Variants in IYD observed in about 807,000 individuals in gnomAD.
IYD encodes iodotyrosine deiodinase.
IYD carries 25 observed loss-of-function variants against 28.4 expected under a neutral mutation model. That is an observed-to-expected ratio of 0.88 (90% CI 0.64 to 1.23). IYD has a LOEUF of 1.23. Ranked by LOEUF, IYD falls within the 50% of genes most tolerant of loss-of-function variation. The probability of loss-of-function intolerance (pLI) is 0.00; values close to 1 mark genes in which losing one functional copy is unlikely to be tolerated. For synonymous variants in IYD, 140 were observed against 130.8 expected (o/e 1.07, Z -0.48); for missense variants, 352 against 357.9 (o/e 0.98, Z 0.13).
At chr6:150,395,835 G>T in intron 4 of IYD, 1 of 599,292 alleles carries the variant, frequency 1.7e-6, no homozygotes, top group Non-Finnish European at 3.0e-6. Context: ...GTGTCTGGAA[G>T]CTACTCATTG....
chr6:150,398,768 G>T lies in IYD; in HGVS notation c.*531G>T, dbSNP rs6921360. The T allele has an allele frequency of 0.098, 15,215 of 155,288 alleles. 1,250 individuals are homozygous for T. Among genetic ancestry groups the T allele is most frequent in the East Asian group, 0.32 (1,639 of 5,200 alleles). 9.6% of individuals were successfully genotyped at this position (155,288 alleles called of 1,614,324 possible). On this transcript the variant is annotated 3_prime_UTR_variant, in exon 5 of 5. Transcript: ENST00000344419. ...CAAAGTTACTAAAACATGGCCAGGC[G>T]CAGTGGCTCATGCCTGTAATCCCAG...
chr6:150,389,745 G>A, intron 2 of IYD: 1 of 560,176 alleles, frequency 1.8e-6, no homozygotes, highest in East Asian at 3.1e-5. Flanking sequence ...CAAGCTTCTT[G>A]GAAGAAGATG....
chr6:150,380,596 G>A (rs934053488), intron 1 of IYD, among the ~76,000 whole-genome samples: 1 of 152,062 alleles, frequency 6.6e-6, no homozygotes, highest in African/African-American at 2.4e-5. Context: ...CTTTGAGGAG[G>A]CCAATTCCCT....
intron 4 of IYD, chr6:150,395,601 C>T: frequency 2.6e-6 from 4 of 1,510,176 alleles, no homozygotes; most frequent in Non-Finnish European, 3.6e-6. Context: ...TTCACTTTGC[C>T]ATTGAGTTTG....
intron 1 of IYD, among the ~76,000 whole-genome samples, chr6:150,385,890 A>G (rs1466956898): frequency 6.6e-6 from 1 of 151,946 alleles, no homozygotes; most frequent in Non-Finnish European, 1.5e-5. Flanking sequence ...TCTATTTTAT[A>G]TAAATTTTCT....
chr6:150,370,468 T>G (rs1449440571), intron 1 of IYD: 1 of 985,168 alleles, frequency 1.0e-6, no homozygotes, highest in Non-Finnish European at 1.2e-6. Context: ...TGTCCTAATC[T>G]CAGGACCGGG....
chr6:150,392,927 A>C (rs1778176850), intron 3 of IYD, among the ~76,000 whole-genome samples: 1 of 152,148 alleles, frequency 6.6e-6, no homozygotes, highest in Admixed American at 6.5e-5. Context: ...ACTCCAGGAA[A>C]GAAGTGGAGG....
intron 1 of IYD, among the ~76,000 whole-genome samples, chr6:150,371,955 G>A (rs1777256939): frequency 6.6e-6 from 1 of 152,192 alleles, no homozygotes. Flanking sequence ...TCACAGGGTG[G>A]TTGGACATGA....
chr6:150,397,938 C>T, intron 4 of IYD, 117 bp from the exon 5 acceptor site: 1 of 1,072,816 alleles, frequency 9.3e-7, no homozygotes, highest in East Asian at 2.4e-5. Flanking sequence ...TGCTGCCCAA[C>T]TTCAGGGAAA....
chr6:150,397,941 C>A, intron 4 of IYD, 114 bp from the exon 5 acceptor site: 1 of 1,090,248 alleles, frequency 9.2e-7, no homozygotes, highest in Non-Finnish European at 1.4e-6. Flanking sequence ...TGCCCAACTT[C>A]AGGGAAATGA....
chr6:150,388,264 T>C (rs1031451407), intron 1 of IYD, among the ~76,000 whole-genome samples: 4 of 152,200 alleles, frequency 2.6e-5, no homozygotes, highest in Admixed American at 2.6e-4. Flanking sequence ...CCTAGCTTAT[T>C]AGACTTCACA....
intron 1 of IYD, among the ~76,000 whole-genome samples, chr6:150,371,344 T>C (rs620102): frequency 0.87 from 132,471 of 152,240 alleles, 57,810 homozygotes; most frequent in East Asian, 0.98. Flanking sequence ...ATTGCAGAGA[T>C]AGGACCCAAG....
chr6:150,376,951 C>G (rs2115021177), intron 1 of IYD, among the ~76,000 whole-genome samples: 1 of 152,190 alleles, frequency 6.6e-6, no homozygotes, highest in African/African-American at 2.4e-5. Context: ...AAGAAATGCC[C>G]CTAGTCAGAT....
At chr6:150,372,443 G>A (rs13211576) in intron 1 of IYD, among the ~76,000 whole-genome samples, 1 of 94,738 alleles carries the variant, frequency 1.1e-5, no homozygotes, top group African/African-American at 3.2e-5. Flanking sequence ...ATGTGTGTGT[G>A]TGGGTGGGGT....
intron 1 of IYD, among the ~76,000 whole-genome samples, chr6:150,379,176 A>G (rs1047631116): frequency 1.3e-5 from 2 of 152,154 alleles, no homozygotes; most frequent in Non-Finnish European, 2.9e-5. Context: ...AAAGCCAGAA[A>G]CCTGGCATTG....
chr6:150,398,468 A>T lies in IYD; in HGVS notation c.*231A>T, dbSNP rs1778408953. 1 of 537,532 alleles carries T rather than the reference A, an allele frequency of 1.9e-6. No individual in the cohort carries two copies. Among genetic ancestry groups the T allele is most frequent in the Non-Finnish European group, 3.3e-6 (1 of 302,430 alleles). 33.3% of individuals were successfully genotyped at this position (537,532 alleles called of 1,614,324 possible). A position where few individuals can be genotyped will look rare whatever the true frequency, so the allele number is the denominator to read the frequency against. ...GGAAATGCATGAACACTTTACAAAG[A>T]ACATGCCCGGGTTTTTACATTTTAA... On this transcript the variant is annotated 3_prime_UTR_variant, in exon 5 of 5. Coordinates refer to ENST00000344419, the MANE Select transcript of IYD (RefSeq NM_203395.3).
chr6:150,384,164 C>G (rs1307066726), intron 1 of IYD: 3 of 152,194 alleles, frequency 2.0e-5, no homozygotes, highest in Admixed American at 1.3e-4. Flanking sequence ...AGCAATATCA[C>G]AGCAGACTGA....
intron 4 of IYD, among the ~76,000 whole-genome samples, chr6:150,397,622 G>A (rs73619503): frequency 0.013 from 1,931 of 148,742 alleles, 40 homozygotes; most frequent in African/African-American, 0.045. Flanking sequence ...GGAAAATTAT[G>A]TCGCATTTGG....
intron 1 of IYD, among the ~76,000 whole-genome samples, chr6:150,388,703 C>CTT (rs1306899244): frequency 9.2e-6 from 1 of 109,212 alleles, no homozygotes; most frequent in Non-Finnish European, 1.7e-5. Context: ...TCCTTCCTTT[C>CTT]TCTTTTTTTT....
Sources: allele counts gnomAD v4.1 joint callset (sites outside exome capture counted in the v4.1 genomes callset), GRCh38; gene constraint gnomAD v4.1.1; transcripts MANE v1.5; gene names NCBI Gene and HGNC (gene_info 2026-07-23, HGNC 2026-07-21).